Variants in ITGB5 observed in about 807,000 individuals in gnomAD.
The protein encoded by ITGB5 is integrin beta-5.
Under a neutral mutation model 84.8 loss-of-function variants are expected in ITGB5, and 38 were observed. The ratio of observed to expected loss-of-function variants is 0.45; its 90% CI spans 0.35 to 0.59. The LOEUF is 0.59. Ranked by LOEUF, ITGB5 falls within the 20% of genes least tolerant of loss-of-function variation. The probability of loss-of-function intolerance (pLI) is 0.01; values close to 1 mark genes in which losing one functional copy is unlikely to be tolerated. For synonymous variants in ITGB5, 393 were observed against 414.4 expected (o/e 0.95, Z 0.63); for missense variants, 905 against 1,034.5 (o/e 0.87, Z 1.72).
At chr3:124,833,716 T>C (rs1209642376) in intron 5 of ITGB5, among the ~76,000 whole-genome samples, 1 of 152,166 alleles carries the variant, frequency 6.6e-6, no homozygotes, top group Non-Finnish European at 1.5e-5. Context: ...TTCAGAAGCA[T>C]AAAGGCACCT....
intron 2 of ITGB5, among the ~76,000 whole-genome samples, chr3:124,860,635 T>C (rs2065283794): frequency 6.6e-6 from 1 of 152,238 alleles, no homozygotes; most frequent in Non-Finnish European, 1.5e-5. Context: ...ACCTTTTCCC[T>C]GGTGAATGTG....
At chr3:124,774,170 C>T (rs1251693901) in intron 10 of ITGB5, among the ~76,000 whole-genome samples, 1 of 152,244 alleles carries the variant, frequency 6.6e-6, no homozygotes, top group Non-Finnish European at 1.5e-5. Flanking sequence ...AGTTGGGCCA[C>T]AGGGCCAGGA....
intron 5 of ITGB5, among the ~76,000 whole-genome samples, chr3:124,834,922 C>T (rs1227856932): frequency 6.6e-6 from 1 of 152,110 alleles, no homozygotes; most frequent in Non-Finnish European, 1.5e-5. Flanking sequence ...TTCATCTTTG[C>T]TCAGTGGACA....
At chr3:124,780,173 G>A (rs959080768) in intron 10 of ITGB5, among the ~76,000 whole-genome samples, 13 of 131,460 alleles carry the variant, frequency 9.9e-5, no homozygotes, top group Admixed American at 5.8e-4. Flanking sequence ...CCTCAGCAGG[G>A]CCTCTGAGGC....
rs188071625 is a variant in ITGB5, at chr3:124,767,313, A to T, written c.2018-968T>A. On this transcript the variant is annotated intron_variant, in intron 12 of 14. Transcript: ENST00000296181. ...GCAGATGAATTAGTGTGGTTATCAG[A>T]CACGAAAGCCTGGACTTTCTGTCTC... Among the ~76,000 whole-genome samples, 302 of 152,342 alleles carry T rather than the reference A, an allele frequency of 2.0e-3. 1 individual carries two copies. The highest frequency in any genetic ancestry group is 3.4e-3 in the Non-Finnish European group (229 of 68,030).
rs1264807134 is a variant in ITGB5, at chr3:124,796,588, C to T, written c.1493G>A (p.Cys498Tyr). 1 of 1,614,158 alleles carries T rather than the reference C, an allele frequency of 6.2e-7. No individual in the cohort carries two copies. Among genetic ancestry groups the T allele is most frequent in the Non-Finnish European group, 8.5e-7 (1 of 1,180,022 alleles). ...CTGGTTCTCCCCATCCTGGCACTCG[C>T]ACCTGGTGCCCAGGTAGCCGGGGCT... Reference protein sequence around the residue: ...ECSPGYLGTRCECQDGENQSV... With the variant: ...ECSPGYLGTRYECQDGENQSV... The change falls in exon 10 of 15, where the codon TGC becomes TAC. Residue 498 changes from cysteine to tyrosine, a missense_variant. Transcript: ENST00000296181.
intron 10 of ITGB5, chr3:124,791,323 A>G (rs1409528311): frequency 1.3e-5 from 2 of 152,256 alleles, no homozygotes; most frequent in African/African-American, 4.8e-5. Context: ...GAGAGACACA[A>G]GAGCCCCAAG....
intron 2 of ITGB5, among the ~76,000 whole-genome samples, chr3:124,868,209 C>T (rs565124451): frequency 7.9e-5 from 12 of 151,730 alleles, no homozygotes; most frequent in Non-Finnish European, 1.6e-4. Flanking sequence ...TATAAATTAC[C>T]CAGTCTTGGG....
chr3:124,851,605 GA>G (rs1316706983), intron 3 of ITGB5, among the ~76,000 whole-genome samples: 136 of 88,408 alleles, frequency 1.5e-3, no homozygotes, highest in African/African-American at 5.1e-3. Context: ...TGATCAGTAA[GA>G]AAACACACAC....
At chr3:124,774,052 T>G (rs889617534) in intron 10 of ITGB5, 140 bp from the exon 11 acceptor site, 1 of 765,210 alleles carries the variant, frequency 1.3e-6, no homozygotes, top group African/African-American at 1.7e-5. Context: ...TTTGGGGAGA[T>G]AGACAGAGGG....
chr3:124,881,476 G>A (rs1195596844), intron 1 of ITGB5, among the ~76,000 whole-genome samples: 1 of 152,174 alleles, frequency 6.6e-6, no homozygotes, highest in African/African-American at 2.4e-5. Context: ...AAAGCAGGAG[G>A]AGGAGGAGAT....
At chr3:124,792,712 C>G (rs1365467616) in intron 10 of ITGB5, 2 of 152,172 alleles carry the variant, frequency 1.3e-5, no homozygotes, top group Non-Finnish European at 2.9e-5. Context: ...TGGCAAACCT[C>G]CGGTTTCTCT....
intron 8 of ITGB5, among the ~76,000 whole-genome samples, chr3:124,811,376 T>C (rs1269689729): frequency 6.6e-6 from 1 of 152,106 alleles, no homozygotes; most frequent in Non-Finnish European, 1.5e-5. Context: ...TTAAGACAAA[T>C]ATTAAAAAAT....
chr3:124,869,988 C>T (rs1933910335), intron 2 of ITGB5, among the ~76,000 whole-genome samples: 1 of 152,250 alleles, frequency 6.6e-6, no homozygotes, highest in Admixed American at 6.5e-5. Flanking sequence ...GCCTTGTCCA[C>T]AAGTCCTCTC....
Position 124,831,477 on chromosome 3 carries a change from A to G in ITGB5, c.780+9906T>C, listed in dbSNP as rs559090725. Among the ~76,000 whole-genome samples the G allele has an allele frequency of 2.6e-5, 4 of 152,326 alleles. No homozygotes were observed. In the South Asian group the frequency reaches 8.3e-4, roughly 32 times the overall value. ...ATGACAAGTGAGACAGGCAGATTCA[A>G]GGACGCCCCGTGGGAAGGTGCAGGG... On this transcript the variant is annotated intron_variant, in intron 5 of 14. Coordinates refer to ENST00000296181, the MANE Select transcript of ITGB5 (RefSeq NM_002213.5).
At chr3:124,883,675 TAGA>T (rs1449009631) in intron 1 of ITGB5, among the ~76,000 whole-genome samples, 2 of 152,214 alleles carry the variant, frequency 1.3e-5, no homozygotes, top group Non-Finnish European at 2.9e-5. Flanking sequence ...GAGCATTCAC[TAGA>T]AGAACATTCG....
chr3:124,835,309 G>A (rs1331142288), intron 5 of ITGB5, among the ~76,000 whole-genome samples: 1 of 152,210 alleles, frequency 6.6e-6, no homozygotes, highest in Non-Finnish European at 1.5e-5. Context: ...CCTGCACTTG[G>A]GATGTCGCCT....
chr3:124,808,900 C>T, intron 9 of ITGB5, 122 bp downstream of exon 9: 1 of 1,125,276 alleles, frequency 8.9e-7, no homozygotes, highest in Non-Finnish European at 1.3e-6. Context: ...CTCTGGGATG[C>T]TGAATTGGAA....
At chr3:124,778,158 C>T (rs2063951454) in intron 10 of ITGB5, among the ~76,000 whole-genome samples, 1 of 152,218 alleles carries the variant, frequency 6.6e-6, no homozygotes, top group Admixed American at 6.5e-5. Flanking sequence ...ATTTTCATTA[C>T]ACATAGATAG....
Sources: allele counts gnomAD v4.1 joint callset (sites outside exome capture counted in the v4.1 genomes callset), GRCh38; gene constraint gnomAD v4.1.1; transcripts MANE v1.5; gene names NCBI Gene and HGNC (gene_info 2026-07-23, HGNC 2026-07-21).